Variants in FAM120A observed in about 807,000 individuals in gnomAD.
FAM120A encodes the protein family with sequence similarity 120 member A.
A neutral mutation model predicts 109.7 loss-of-function variants in FAM120A; 15 were observed. The observed-to-expected ratio is 0.14, with a 90% confidence interval of 0.09 to 0.21. The LOEUF (loss-of-function observed/expected upper bound fraction) is 0.21. Among genes scored for constraint, FAM120A ranks in the 10% least tolerant of loss-of-function variants. The probability of loss-of-function intolerance (pLI) is 1.00; values close to 1 mark genes in which losing one functional copy is unlikely to be tolerated. For synonymous variants in FAM120A, 493 were observed against 572.8 expected (o/e 0.86, Z 1.99); for missense variants, 899 against 1,439.3 (o/e 0.62, Z 6.07).
intron 15 of FAM120A, among the ~76,000 whole-genome samples, chr9:93,559,888 T>C (rs1333372955): frequency 6.6e-6 from 1 of 152,236 alleles, no homozygotes; most frequent in Non-Finnish European, 1.5e-5. Context: ...CTGCCTAGTA[T>C]AGTAGCTGCT....
At chr9:93,535,766 A>C in intron 10 of FAM120A, among the ~76,000 whole-genome samples, 1 of 152,218 alleles carries the variant, frequency 6.6e-6, no homozygotes, top group East Asian at 1.9e-4. Flanking sequence ...CCAGCTCTCC[A>C]GAAGGGAAAT....
At chr9:93,459,464 A>G (rs962208515) in intron 1 of FAM120A, among the ~76,000 whole-genome samples, 11 of 152,050 alleles carry the variant, frequency 7.2e-5, no homozygotes, top group African/African-American at 2.4e-4. Context: ...CTGGTTCCCA[A>G]TGGTGATTGA....
intron 8 of FAM120A, among the ~76,000 whole-genome samples, chr9:93,527,614 ATTTTT>A (rs67894788): frequency 2.4e-4 from 19 of 80,698 alleles, no homozygotes; most frequent in South Asian, 5.8e-4. Context: ...TTTGTATTTA[ATTTTT>A]TTTTTTTTTT....
Position 93,543,395 on chromosome 9 carries a change from A to C in FAM120A, c.2083A>C (p.Met695Leu). ...CAGGATGAGGGCCTTCCTGGCCTGC[A>C]TGAGGTCGGACACCCCAGCCATGCT... ...NRRMRAFLAC[M>L]RSDTPAMLNP... is the part of the protein sequence containing the mutation. Residue 695 changes from methionine (M) to leucine (L), a missense_variant, in exon 11 of 18, where the codon ATG (methionine) becomes CTG (leucine). Met to Leu is a conservative substitution (Grantham distance 15). This residue lies in a region of FAM120A where 133 missense variants were observed against 276.6 expected (regional missense o/e 0.48). Coordinates refer to ENST00000277165, the MANE Select transcript of FAM120A (RefSeq NM_014612.5). 2.5e-6 allele frequency: 4 copies of C among 1,614,182 alleles called. No individual in the cohort carries two copies. Among genetic ancestry groups the C allele is most frequent in the African/African-American group, 1.3e-5 (1 of 75,034 alleles).
At chr9:93,483,747 G>A (rs1031853589) in intron 3 of FAM120A, among the ~76,000 whole-genome samples, 1 of 152,072 alleles carries the variant, frequency 6.6e-6, no homozygotes, top group African/African-American at 2.4e-5. Context: ...TTAGCTAAAT[G>A]TTCTTAATGG....
At chr9:93,531,650 A>G (rs1861335766) in intron 9 of FAM120A, among the ~76,000 whole-genome samples, 1 of 152,228 alleles carries the variant, frequency 6.6e-6, no homozygotes, top group Admixed American at 6.5e-5. Context: ...CTGCCACACT[A>G]TGGCAGAAGC....
At chr9:93,561,743 G>A (rs1296702002) in intron 16 of FAM120A, among the ~76,000 whole-genome samples, 1 of 152,032 alleles carries the variant, frequency 6.6e-6, no homozygotes, top group Non-Finnish European at 1.5e-5. Flanking sequence ...ATAGTATTAT[G>A]TAATTATTTA....
rs748864363 is a variant in FAM120A, at chr9:93,561,164, T to C, written c.2862T>C (p.Val954=). ...AACTAGAAATAGCTGGCACTGTGGT[T>C]GGCCATTGGGCTGGGAGCAGGCGGG... ...GGKLEIAGTV[V]GHWAGSRRGR... Residue 954 remains valine (V), a synonymous_variant, in exon 16 of 18, where the codon GTT becomes GTC. Coordinates refer to ENST00000277165, the MANE Select transcript of FAM120A (RefSeq NM_014612.5). 1 of 1,613,846 alleles carries C rather than the reference T, an allele frequency of 6.2e-7. No individual in the cohort carries two copies. Among genetic ancestry groups the C allele is most frequent in the African/African-American group, 1.3e-5 (1 of 74,936 alleles).
intron 1 of FAM120A, among the ~76,000 whole-genome samples, chr9:93,456,514 A>G (rs1857554619): frequency 6.6e-6 from 1 of 152,228 alleles, no homozygotes; most frequent in South Asian, 2.1e-4. Flanking sequence ...GTCTCCCTTC[A>G]TGTATACTTG....
intron 1 of FAM120A, among the ~76,000 whole-genome samples, chr9:93,462,546 T>C (rs1371266653): frequency 6.6e-6 from 1 of 152,222 alleles, no homozygotes; most frequent in East Asian, 1.9e-4. Context: ...CCTCCCAAAG[T>C]ACTGAGATTA....
At chr9:93,560,736 A>T (rs1442257191) in intron 15 of FAM120A, among the ~76,000 whole-genome samples, 1 of 152,230 alleles carries the variant, frequency 6.6e-6, no homozygotes, top group African/African-American at 2.4e-5. Flanking sequence ...TATGATGTTC[A>T]GTTAAGGTAG....
Position 93,557,819 on chromosome 9 carries a change from T to C in FAM120A, c.2485-8T>C. The stretch of plus-strand genomic sequence containing the variant: ...TGGCATTTTCACATGCTGGTCCTTG[T>C]CTTCCAGGCTGATCAGGCTGCCAAG... On this transcript the variant is annotated splice_polypyrimidine_tract_variant and splice_region_variant and intron_variant, in intron 13 of 17. Transcript: ENST00000277165. 6.2e-7 allele frequency: 1 copy of C among 1,610,324 alleles called. No homozygotes were observed. Among genetic ancestry groups the C allele is most frequent in the Non-Finnish European group, 8.5e-7 (1 of 1,177,586 alleles).
At position 93,451,706 on chromosome 9, in the gene FAM120A, G is replaced by A; in HGVS notation, c.-210G>A. The A allele has an allele frequency of 1.0e-6, 1 of 982,928 alleles. No homozygotes were observed. Among genetic ancestry groups the A allele is most frequent in the Non-Finnish European group, 1.2e-6 (1 of 830,664 alleles). The allele number at this position is 982,928 out of a possible 1,614,324, so 60.9% of individuals were successfully genotyped here. ...CGGCCTCGGCCTCGCAGCGGCGGCA[G>A]CGGCGGCGGCGGCAGGTCCCTCCCC... On this transcript the variant is annotated 5_prime_UTR_variant, in exon 1 of 18. Coordinates refer to ENST00000277165, the MANE Select transcript of FAM120A (RefSeq NM_014612.5).
chr9:93,520,861 C>T (rs975831998), intron 7 of FAM120A, among the ~76,000 whole-genome samples: 7 of 152,228 alleles, frequency 4.6e-5, no homozygotes, highest in Admixed American at 2.0e-4. Context: ...TCCTCAGGGG[C>T]AGTAGGGCAG....
intron 1 of FAM120A, among the ~76,000 whole-genome samples, chr9:93,464,584 C>T (rs1368967905): frequency 9.2e-5 from 14 of 152,166 alleles, no homozygotes; most frequent in Non-Finnish European, 1.8e-4. Context: ...GCCTAATGCT[C>T]CTCGGGGTTG....
chr9:93,539,518 T>A (rs12376738), intron 10 of FAM120A, among the ~76,000 whole-genome samples: 1 of 152,056 alleles, frequency 6.6e-6, no homozygotes, highest in Non-Finnish European at 1.5e-5. Flanking sequence ...TTAATAAGAC[T>A]CAGTAGGAAC....
chr9:93,461,487 T>G (rs1009000306), intron 1 of FAM120A, among the ~76,000 whole-genome samples: 3 of 152,210 alleles, frequency 2.0e-5, no homozygotes, highest in Non-Finnish European at 4.4e-5. Context: ...AATTGAAATT[T>G]TATGTTTTAG....
chr9:93,489,611 A>C (rs1859225258), intron 3 of FAM120A, among the ~76,000 whole-genome samples: 1 of 152,212 alleles, frequency 6.6e-6, no homozygotes, highest in Non-Finnish European at 1.5e-5. Context: ...CGTGCATAGC[A>C]GTTTCCATCT....
At chr9:93,534,144 G>A (rs1254882731) in intron 10 of FAM120A, among the ~76,000 whole-genome samples, 3 of 152,196 alleles carry the variant, frequency 2.0e-5, no homozygotes, top group Non-Finnish European at 2.9e-5. Flanking sequence ...CCCATCAGCT[G>A]TCTTGGTCTA....
Sources: gnomAD v4.1 joint callset for allele counts (sites outside exome capture counted in the v4.1 genomes callset) on GRCh38, gnomAD v4.1.1 for gene constraint, gnomAD v4.1.1 regional missense constraint, MANE v1.5 for transcripts, NCBI Gene and HGNC (gene_info 2026-07-23, HGNC 2026-07-21) for gene names.